The following RAB38 variants were observed in gnomAD, a reference collection of about 807,000 sequenced individuals.
RAB38 encodes the protein RAB38, member RAS oncogene family.
Under a neutral mutation model 18.4 loss-of-function variants are expected in RAB38, and 15 were observed. The observed-to-expected ratio is 0.82, with a 90% CI of 0.55 to 1.26. The LOEUF is 1.26. Ranked by LOEUF, RAB38 falls within the 50% of genes most tolerant of loss-of-function variation. The probability of loss-of-function intolerance (pLI) is 0.00; values close to 1 mark genes in which losing one functional copy is unlikely to be tolerated. For synonymous variants in RAB38, 101 were observed against 104.4 expected (o/e 0.97, Z 0.20); for missense variants, 294 against 267.4 (o/e 1.10, Z -0.69).
chr11:88,082,376 A>G, the RAB38 span, among the ~76,000 whole-genome samples: 7 of 151,888 alleles, frequency 4.6e-5, no homozygotes, highest in Non-Finnish European at 8.8e-5. Flanking sequence ...AAGGAAGGAG[A>G]TCAATTTTAG....
the RAB38 span, among the ~76,000 whole-genome samples, chr11:87,930,632 C>A: frequency 6.6e-6 from 1 of 151,970 alleles, no homozygotes; most frequent in African/African-American, 2.4e-5. Context: ...AGACATGAAG[C>A]ATTTGACCAT....
At chr11:88,072,068 A>C in the RAB38 span, among the ~76,000 whole-genome samples, 2 of 152,360 alleles carry the variant, frequency 1.3e-5, no homozygotes, top group East Asian at 3.9e-4. Flanking sequence ...TGCAAGAAAC[A>C]AATCTCATTG....
At chr11:87,916,686 T>C in the RAB38 span, among the ~76,000 whole-genome samples, 12 of 152,188 alleles carry the variant, frequency 7.9e-5, no homozygotes, top group African/African-American at 2.4e-4. Flanking sequence ...ACAATTATTA[T>C]GTCTTTCTCT....
At chr11:87,864,058 A>G in the RAB38 span, among the ~76,000 whole-genome samples, 2 of 151,696 alleles carry the variant, frequency 1.3e-5, no homozygotes, top group South Asian at 2.1e-4. Context: ...TCTTTCCCAC[A>G]TGCCACAATA....
intron 2 of RAB38, among the ~76,000 whole-genome samples, chr11:88,143,453 A>G (rs563849031): frequency 1.4e-4 from 21 of 152,364 alleles, no homozygotes; most frequent in South Asian, 2.1e-4. Context: ...TAAACCAATG[A>G]GCACAGCTGA....
intron 1 of RAB38, among the ~76,000 whole-genome samples, chr11:88,152,622 T>A (rs1591172625): frequency 6.6e-6 from 1 of 152,170 alleles, no homozygotes; most frequent in East Asian, 1.9e-4. Context: ...GCACTCACAT[T>A]TTCTCCTTCC....
the RAB38 span, among the ~76,000 whole-genome samples, chr11:87,933,732 G>A: frequency 6.6e-6 from 1 of 151,586 alleles, no homozygotes; most frequent in Non-Finnish European, 1.5e-5. Context: ...ATTCCCTTTA[G>A]CATAAGCAGA....
chr11:88,157,852 G>A (rs1943144455), intron 1 of RAB38, among the ~76,000 whole-genome samples: 1 of 152,046 alleles, frequency 6.6e-6, no homozygotes, highest in Non-Finnish European at 1.5e-5. Context: ...AGTTTATGGT[G>A]TTAAATGGCT....
chr11:88,091,787 T>C, the RAB38 span, among the ~76,000 whole-genome samples: 50 of 152,042 alleles, frequency 3.3e-4, 1 homozygote, highest in Admixed American at 2.8e-3. Flanking sequence ...CTGGTAGTGT[T>C]AGACAGTAAT....
At chr11:87,866,789 C>T in the RAB38 span, among the ~76,000 whole-genome samples, 8 of 151,750 alleles carry the variant, frequency 5.3e-5, no homozygotes, top group African/African-American at 9.7e-5. Context: ...ATGACTTCGA[C>T]ATGCCCAGAA....
the RAB38 span, among the ~76,000 whole-genome samples, chr11:88,080,797 A>C: frequency 6.8e-6 from 1 of 146,916 alleles, no homozygotes; most frequent in Admixed American, 6.8e-5. Context: ...TTTTTCCATC[A>C]AGGCAGCATT....
At chr11:87,836,545 C>T in the RAB38 span, among the ~76,000 whole-genome samples, 1 of 152,142 alleles carries the variant, frequency 6.6e-6, no homozygotes, top group African/African-American at 2.4e-5. Context: ...CCCAAAGTTA[C>T]CACCACAAAA....
chr11:88,032,520 A>T, the RAB38 span, among the ~76,000 whole-genome samples: 3 of 152,214 alleles, frequency 2.0e-5, no homozygotes, highest in East Asian at 5.8e-4. Context: ...CAATGAACTC[A>T]AATTTACAAG....
chr11:87,921,788 A>G, the RAB38 span, among the ~76,000 whole-genome samples: 1 of 151,684 alleles, frequency 6.6e-6, no homozygotes, highest in African/African-American at 2.4e-5. Context: ...TGGTTGGTAG[A>G]GCCTTTTTTT....
At chr11:88,046,345 T>C in the RAB38 span, among the ~76,000 whole-genome samples, 1 of 152,148 alleles carries the variant, frequency 6.6e-6, no homozygotes, top group African/African-American at 2.4e-5. Flanking sequence ...AACCAAATTG[T>C]TTTCCCTATC....
At chr11:87,951,068 G>C in the RAB38 span, among the ~76,000 whole-genome samples, 5 of 152,010 alleles carry the variant, frequency 3.3e-5, no homozygotes, top group African/African-American at 1.2e-4. Context: ...AGTATTTCTT[G>C]GAGGCTTTGT....
At chr11:87,862,854 G>A in the RAB38 span, among the ~76,000 whole-genome samples, 1 of 151,652 alleles carries the variant, frequency 6.6e-6, no homozygotes, top group East Asian at 1.9e-4. Context: ...AACTAATGTT[G>A]ATAAATAAAG....
intron 1 of RAB38, among the ~76,000 whole-genome samples, chr11:88,170,285 C>G (rs1377263927): frequency 6.6e-6 from 1 of 152,106 alleles, no homozygotes; most frequent in African/African-American, 2.4e-5. Context: ...AATAAACTGC[C>G]CAGTGGAGCA....
At chr11:87,964,388 GAACA>G in the RAB38 span, among the ~76,000 whole-genome samples, 1 of 152,078 alleles carries the variant, frequency 6.6e-6, no homozygotes, top group South Asian at 2.1e-4. Flanking sequence ...AGTTTCAATG[GAACA>G]AATGGAATTG....
Sources: allele counts gnomAD v4.1 joint callset (sites outside exome capture counted in the v4.1 genomes callset), GRCh38; gene constraint gnomAD v4.1.1; transcripts MANE v1.5; gene names NCBI Gene and HGNC (gene_info 2026-07-23, HGNC 2026-07-21).